The following COG8 variants were observed in gnomAD, a reference collection of about 807,000 sequenced individuals.
COG8 encodes the protein component of oligomeric golgi complex 8, also known as conserved oligomeric Golgi complex subunit 8.
In COG8, 45 loss-of-function variants were observed where a neutral mutation model predicts 46.5. The ratio of observed to expected loss-of-function variants is 0.97; its 90% CI spans 0.76 to 1.24. The LOEUF (loss-of-function observed/expected upper bound fraction) is 1.24, where lower values mean the gene tolerates loss of function less well. Ranked by LOEUF, COG8 falls within the 50% of genes most tolerant of loss-of-function variation. The pLI, the probability that COG8 is intolerant of heterozygous loss-of-function variation, is 0.00. For synonymous variants in COG8, 407 were observed against 347.8 expected (o/e 1.17, Z -1.90); for missense variants, 793 against 820.8 (o/e 0.97, Z 0.41).
At chr16:69,330,313 C>A in intron 5 of COG8, 1 of 1,440,160 alleles carries the variant, frequency 6.9e-7, no homozygotes. Context: ...GCCCGCCTAG[C>A]TGCGCCCGCT....
chr16:69,331,123 G>A, intron 4 of COG8, 28 bp from the exon 5 acceptor site: 2 of 1,612,570 alleles, frequency 1.2e-6, no homozygotes, highest in Admixed American at 1.7e-5. Flanking sequence ...AAAGCAAAAT[G>A]GAAAACAGTT....
rs374661798 is a variant in COG8 at position 69,335,321 on chromosome 16, T to C, written c.613A>G (p.Met205Val). 6.2e-7 allele frequency: 1 copy of C among 1,606,728 alleles called. No individual in the cohort carries two copies. Among genetic ancestry groups the C allele is most frequent in the Non-Finnish European group, 8.5e-7 (1 of 1,178,586 alleles). ...ATCAGCTGGCTCAGCATCAGCTGCA[T>C]GGACTGGCGCACTTCGTTCACGATG... ...QGIVNEVRQS[M>V]QLMLSQLIQQ... Residue 205 changes from methionine (M) to valine (V), a missense_variant, in exon 3 of 6, where the codon ATG (methionine) becomes GTG (valine). Physicochemically the swap from Met to Val is conservative, Grantham distance 21. Transcript: ENST00000306875.
chr16:69,330,592 C>A, intron 5 of COG8: 1 of 1,421,194 alleles, frequency 7.0e-7, no homozygotes. Context: ...TAACAGTGAC[C>A]CGGCCCGCCC....
At chr16:69,331,159 T>G (rs996241699) in intron 4 of COG8, 64 bp from the exon 5 acceptor site, 2 of 1,586,368 alleles carry the variant, frequency 1.3e-6, no homozygotes, top group Non-Finnish European at 1.7e-6. Flanking sequence ...TATAGAAATT[T>G]AAGGGAGGCC....
chr16:69,339,352 G>A lies in COG8; in HGVS notation c.201C>T (p.Arg67=). Residue 67 remains arginine (R), a synonymous_variant, in exon 1 of 6, where the codon CGC becomes CGT. Coordinates refer to ENST00000306875, the MANE Select transcript of COG8 (RefSeq NM_032382.5). The part of the protein sequence containing the change: ...GLERLRREPE[R]LAEERAQLLQ... ...GCAGCTGCGCCCGCTCCTCCGCCAGGCGCTCGGGCTCGCGCCGCAGCCGCT... is the reference window on the plus strand; with the variant it reads ...GCAGCTGCGCCCGCTCCTCCGCCAGACGCTCGGGCTCGCGCCGCAGCCGCT... 1 of 1,594,394 alleles carries A rather than the reference G, an allele frequency of 6.3e-7. No individual in the cohort carries two copies.
At chr16:69,336,115 A>T (rs902158175) in intron 2 of COG8, among the ~76,000 whole-genome samples, 3 of 152,168 alleles carry the variant, frequency 2.0e-5, no homozygotes, top group African/African-American at 4.8e-5. Flanking sequence ...GTCTCAGCTT[A>T]AATGTTACCT....
At chr16:69,337,356 G>C (rs543789830) in intron 1 of COG8, among the ~76,000 whole-genome samples, 1 of 151,690 alleles carries the variant, frequency 6.6e-6, no homozygotes, top group South Asian at 2.1e-4. Flanking sequence ...TGTGTGTGAA[G>C]CATTTAACAT....
chr16:69,329,264 C>T (rs1484134560), intron 5 of COG8, 85 bp from the exon 6 acceptor site: 1 of 1,391,748 alleles, frequency 7.2e-7, no homozygotes, highest in African/African-American at 1.5e-5. Context: ...CCGGTCCTGG[C>T]TGTTCCCATT....
rs758964180 is a variant in COG8 at position 69,328,707 on chromosome 16, T to G, written c.*499A>C. On this transcript the variant is annotated 3_prime_UTR_variant, in exon 6 of 6. Transcript: ENST00000306875. ...TTACCAAACCTTGGCTTTGGGAGATTATACAGGTCCGAGGAACTCGTGTCT... is the reference window on the plus strand; with the variant it reads ...TTACCAAACCTTGGCTTTGGGAGATGATACAGGTCCGAGGAACTCGTGTCT... 26 of 300,058 alleles carry G rather than the reference T, an allele frequency of 8.7e-5. No homozygotes were observed. The highest frequency in any genetic ancestry group is 5.4e-4 in the African/African-American group (24 of 44,406). The allele number at this position is 300,058 out of a possible 1,614,324, so 18.6% of individuals were successfully genotyped here. A position where few individuals can be genotyped will look rare whatever the true frequency, so the allele number is the denominator to read the frequency against.
chr16:69,329,966 C>T, intron 5 of COG8: 2 of 1,504,842 alleles, frequency 1.3e-6, no homozygotes, highest in Non-Finnish European at 1.8e-6. Context: ...GCGCGCGCTG[C>T]TCCAGCAGCC....
In COG8 at chr16:69,339,204, G is replaced by A; in HGVS notation, c.349C>T (p.Arg117Cys). 1 of 1,612,934 alleles carries A rather than the reference G, an allele frequency of 6.2e-7. No individual in the cohort carries two copies. The highest frequency in any genetic ancestry group is 8.5e-7 in the Non-Finnish European group (1 of 1,179,900). Residue 117 changes from arginine to cysteine, a missense_variant, in exon 1 of 6, where the codon CGT becomes TGT. Transcript: ENST00000306875. ...CAGCTCTGCTGGAAGCTGGGCAAAC[G>A]GTCGAGCAGGCGGCCGAGCGACGCC... is the stretch of plus-strand genomic sequence containing the variant. The part of the protein sequence containing the change: ...VEASLGRLLD[R>C]LPSFQQSCRN...
At position 69,334,731 on chromosome 16, in the gene COG8, C is replaced by T. The variant is rs764921223; in HGVS notation, c.1203G>A (p.Ser401=). 39 of 1,614,010 alleles carry T rather than the reference C, an allele frequency of 2.4e-5. 1 individual carries two copies. Among genetic ancestry groups the T allele is most frequent in the South Asian group, 4.4e-5 (4 of 91,088 alleles). Residue 401 remains serine (S), a synonymous_variant, in exon 3 of 6, where the codon TCG becomes TCA. Transcript: ENST00000306875. ...QEEMNSYMLI[S]APAILGTSNM... The stretch of plus-strand genomic sequence containing the variant: ...TACTGGTGCCCAGGATGGCTGGAGC[C>T]GAGATGAGCATGTAGGAGTTCATTT...
chr16:69,339,495 C>A lies in COG8; in HGVS notation c.58G>T (p.Glu20Ter), dbSNP rs1290242591. The change falls in exon 1 of 6, where the codon GAG (glutamate) becomes TAG (stop). Residue 20 changes from glutamate to a stop codon, truncating the protein, a stop_gained. Transcript: ENST00000306875. LOFTEE classifies it high-confidence loss of function. The part of the protein sequence containing the change: ...VATATAAALG[E>*]VEDEGLLASL... ...GCCAGGAGCCCTTCATCCTCCACCT[C>A]GCCGAGAGCCGCTGCTGTGGCCGTG... 1.2e-6 allele frequency: 2 copies of A among 1,606,212 alleles called. No individual in the cohort carries two copies. Among genetic ancestry groups the A allele is most frequent in the Admixed American group, 1.7e-5 (1 of 59,984 alleles).
In COG8 at chr16:69,335,174, A is replaced by G; in HGVS notation, c.760T>C (p.Trp254Arg). 1 of 1,614,212 alleles carries G rather than the reference A, an allele frequency of 6.2e-7. No individual in the cohort carries two copies. Among genetic ancestry groups the G allele is most frequent in the Non-Finnish European group, 8.5e-7 (1 of 1,180,038 alleles). The change falls in exon 3 of 6, where the codon TGG becomes CGG. Residue 254 changes from tryptophan to arginine, a missense_variant. By Grantham distance (101) the Trp-to-Arg change is moderately radical (BLOSUM62 -3). Coordinates refer to ENST00000306875, the MANE Select transcript of COG8 (RefSeq NM_032382.5). ...RVKFLQARDA[W>R]LRSILTAIPN... ...ATGGCAGTCAGGATGGACCGGAGCCAAGCATCTCGGGCCTGAAGAAACTTC... is the reference window on the plus strand; with the variant it reads ...ATGGCAGTCAGGATGGACCGGAGCCGAGCATCTCGGGCCTGAAGAAACTTC...
chr16:69,332,920 T>C lies in COG8; in HGVS notation c.1414-38A>G, dbSNP rs775553342. 1.2e-5 allele frequency: 20 copies of C among 1,609,204 alleles called. 1 individual carries two copies. Among genetic ancestry groups the C allele is most frequent in the Middle Eastern group, 1.8e-4 (1 of 5,616 alleles). The stretch of plus-strand genomic sequence containing the variant: ...GGCACCGTCAATTACTGGGACAGCC[T>C]ATCACCACTGGGACAGCAGTGCATG... On this transcript the variant is annotated intron_variant, in intron 3 of 5. Coordinates refer to ENST00000306875, the MANE Select transcript of COG8 (RefSeq NM_032382.5).
At chr16:69,330,209 T>C in intron 5 of COG8, 1 of 1,454,236 alleles carries the variant, frequency 6.9e-7, no homozygotes, top group Non-Finnish European at 9.0e-7. Flanking sequence ...CGCCAGCACC[T>C]GCCGCGGCAC....
At chr16:69,337,413 GAC>G (rs1438669025) in intron 1 of COG8, among the ~76,000 whole-genome samples, 3 of 152,030 alleles carry the variant, frequency 2.0e-5, no homozygotes, top group Non-Finnish European at 2.9e-5. Flanking sequence ...TAGTAAAAGA[GAC>G]ACAGTTAAAT....
rs1462254794 is a variant in COG8 at position 69,327,570 on chromosome 16, G to A, written c.*1636C>T. The A allele has an allele frequency of 2.0e-5, 3 of 151,996 alleles. No individual in the cohort carries two copies. The highest frequency in any genetic ancestry group is 4.4e-5 in the Non-Finnish European group (3 of 68,034). The allele number at this position is 151,996 out of a possible 1,614,324, so 9.4% of individuals were successfully genotyped here. ...ACAAAGGAGGATGGGTCTTTCCTGG[G>A]TTCATTTAACTGCCATTTATAACAC... On this transcript the variant is annotated 3_prime_UTR_variant, in exon 6 of 6. Coordinates refer to ENST00000306875, the MANE Select transcript of COG8 (RefSeq NM_032382.5).
At position 69,330,795 on chromosome 16, in the gene COG8, G is replaced by C; in HGVS notation, c.*26+18C>G. ...GGCGAGGCAGTCCTGGCCACCCCGC[G>C]CCGGGAACCTCACGCACCGCGTTCT... On this transcript the variant is annotated intron_variant, in intron 5 of 5. Transcript: ENST00000306875. 1 of 1,512,410 alleles carries C rather than the reference G, an allele frequency of 6.6e-7. No individual in the cohort carries two copies. The highest frequency in any genetic ancestry group is 8.8e-7 in the Non-Finnish European group (1 of 1,136,416). 93.7% of individuals were successfully genotyped at this position (1,512,410 alleles called of 1,614,324 possible). A position where few individuals can be genotyped will look rare whatever the true frequency, so the allele number is the denominator to read the frequency against.
Sources: allele counts gnomAD v4.1 joint callset (sites outside exome capture counted in the v4.1 genomes callset), GRCh38; gene constraint gnomAD v4.1.1; transcripts MANE v1.5; gene names NCBI Gene and HGNC (gene_info 2026-07-23, HGNC 2026-07-21).